ANKS1B: variants seen among roughly 807,000 people sequenced by gnomAD.
ANKS1B encodes the protein ankyrin repeat and sterile alpha motif domain-containing protein 1B.
A neutral mutation model predicts 148.3 loss-of-function variants in ANKS1B; 36 were observed. The observed-to-expected ratio is 0.24, with a 90% CI of 0.19 to 0.32. The LOEUF is 0.32. ANKS1B is among the 10% of genes least tolerant of loss of function. The probability of loss-of-function intolerance (pLI) is 1.00; values close to 1 mark genes in which losing one functional copy is unlikely to be tolerated. For missense variants in ANKS1B, 1,157 were observed against 1,542.6 expected, an observed-to-expected ratio of 0.75 and a Z score of 4.19; for synonymous variants, 542 against 560.8, an observed-to-expected ratio of 0.97 and a Z score of 0.47.
intron 12 of ANKS1B, among the ~76,000 whole-genome samples, chr12:99,324,125 AT>A (rs1566893726): frequency 6.6e-6 from 1 of 152,160 alleles, no homozygotes. Context: ...TGAGCTATTT[AT>A]TTTTGTGTGT....
At chr12:99,400,668 C>T (rs1420554594) in intron 11 of ANKS1B, among the ~76,000 whole-genome samples, 1 of 144,510 alleles carries the variant, frequency 6.9e-6, no homozygotes, top group Non-Finnish European at 1.5e-5. Context: ...TTCAACTCTA[C>T]CTTTCTTACT....
intron 8 of ANKS1B, among the ~76,000 whole-genome samples, chr12:99,750,655 A>G (rs1423308248): frequency 6.6e-6 from 1 of 152,022 alleles, no homozygotes; most frequent in Non-Finnish European, 1.5e-5. Context: ...AGTGGAAATG[A>G]TGTCTACTGT....
chr12:99,213,079 A>G lies in ANKS1B; in HGVS notation c.2419+31263T>C, dbSNP rs147784375. Among the ~76,000 whole-genome samples, 217 of 152,214 alleles carry G rather than the reference A, an allele frequency of 1.4e-3. 1 individual carries two copies. Among genetic ancestry groups the G allele is most frequent in the African/African-American group, 4.9e-3 (205 of 41,526 alleles). On this transcript the variant is annotated intron_variant, in intron 14 of 26. Transcript: ENST00000683438. ...TTCTTTGAATTGCTTCACAGTTTCT[A>G]TGGAAGTTTCTGCTATTTCTCTGTC...
chr12:99,674,355 A>G (rs2098552181), intron 8 of ANKS1B, among the ~76,000 whole-genome samples: 1 of 152,004 alleles, frequency 6.6e-6, no homozygotes, highest in Non-Finnish European at 1.5e-5. Flanking sequence ...AATACTTTCC[A>G]ATAAATGGTT....
At chr12:99,263,052 T>C (rs952415486) in intron 12 of ANKS1B, among the ~76,000 whole-genome samples, 10 of 152,054 alleles carry the variant, frequency 6.6e-5, no homozygotes, top group African/African-American at 2.2e-4. Flanking sequence ...TCCCACACAA[T>C]GTTCCCTCAC....
At chr12:99,889,459 G>A (rs1054650188) in intron 1 of ANKS1B, among the ~76,000 whole-genome samples, 5 of 152,008 alleles carry the variant, frequency 3.3e-5, no homozygotes, top group Admixed American at 6.6e-5. Flanking sequence ...CACCAACTTC[G>A]GGTATTTCTT....
chr12:99,877,404 C>G (rs1046300013), intron 1 of ANKS1B, among the ~76,000 whole-genome samples: 5 of 152,212 alleles, frequency 3.3e-5, no homozygotes, highest in Admixed American at 3.3e-4. Flanking sequence ...AAATCTGCCC[C>G]TGTACTCACC....
chr12:99,616,883 A>G (rs1334007536), intron 9 of ANKS1B, among the ~76,000 whole-genome samples: 1 of 152,204 alleles, frequency 6.6e-6, no homozygotes, highest in African/African-American at 2.4e-5. Context: ...AATTTTTGCA[A>G]TCTATCCATC....
At chr12:99,642,626 G>A (rs975841743) in intron 9 of ANKS1B, among the ~76,000 whole-genome samples, 6 of 152,006 alleles carry the variant, frequency 3.9e-5, no homozygotes, top group African/African-American at 7.2e-5. Context: ...GACAAGACAG[G>A]CCAACATGGT....
chr12:99,147,608 C>T (rs2073592754), intron 15 of ANKS1B, among the ~76,000 whole-genome samples: 1 of 152,086 alleles, frequency 6.6e-6, no homozygotes, highest in Non-Finnish European at 1.5e-5. Context: ...TATTCTATGC[C>T]AGGTCTGTGC....
At chr12:99,689,190 G>T (rs1317837524) in intron 8 of ANKS1B, among the ~76,000 whole-genome samples, 1 of 152,106 alleles carries the variant, frequency 6.6e-6, no homozygotes, top group Admixed American at 6.6e-5. Context: ...TCTACCACTA[G>T]ATTATTCTAT....
At position 98,745,486 on chromosome 12, in the gene ANKS1B, G is replaced by A. The variant is rs1343309898; in HGVS notation, c.*253C>T. On this transcript the variant is annotated 3_prime_UTR_variant, in exon 27 of 27. Transcript: ENST00000683438. ...AATACCTTGGGAGGTGGTGGGGAGG[G>A]GAGTCGGGAGCATCAGGGAAAACCC... The A allele has an allele frequency of 5.1e-6, 6 of 1,169,602 alleles. No individual in the cohort carries two copies. The highest frequency in any genetic ancestry group is 4.7e-5 in the Admixed American group (1 of 21,068). The allele number at this position is 1,169,602 out of a possible 1,614,324, so 72.5% of individuals were successfully genotyped here.
intron 2 of ANKS1B, among the ~76,000 whole-genome samples, chr12:99,818,222 T>A (rs1181897592): frequency 6.6e-6 from 1 of 151,804 alleles, no homozygotes; most frequent in East Asian, 1.9e-4. Context: ...TTTCTTTAAA[T>A]ATTATTTAGG....
At chr12:99,792,817 C>T (rs2065823211) in intron 4 of ANKS1B, among the ~76,000 whole-genome samples, 1 of 151,878 alleles carries the variant, frequency 6.6e-6, no homozygotes, top group Non-Finnish European at 1.5e-5. Flanking sequence ...ACCACTGTTA[C>T]TCAAAATAGA....
At chr12:99,930,622 G>A (rs2094589422) in intron 1 of ANKS1B, among the ~76,000 whole-genome samples, 1 of 152,130 alleles carries the variant, frequency 6.6e-6, no homozygotes, top group Non-Finnish European at 1.5e-5. Flanking sequence ...TCAGAGAAAT[G>A]CAAATCAAAA....
chr12:99,333,876 A>G (rs1412055629), intron 12 of ANKS1B, among the ~76,000 whole-genome samples: 1 of 76,488 alleles, frequency 1.3e-5, no homozygotes, highest in Non-Finnish European at 2.4e-5. Flanking sequence ...TTTTTTTTTT[A>G]ACAATGTGAG....
intron 17 of ANKS1B, chr12:99,048,962 T>C (rs376784642): frequency 6.6e-6 from 1 of 152,228 alleles, no homozygotes; most frequent in Non-Finnish European, 1.5e-5. Context: ...AGCTGTACTG[T>C]ATATAGGTAT....
intron 10 of ANKS1B, among the ~76,000 whole-genome samples, chr12:99,500,404 C>A (rs2096644141): frequency 6.6e-6 from 1 of 152,134 alleles, no homozygotes; most frequent in South Asian, 2.1e-4. Flanking sequence ...TTGCCTTAGC[C>A]AAGTTACTGG....
At chr12:99,579,690 C>CA (rs1184675716) in intron 9 of ANKS1B, among the ~76,000 whole-genome samples, 7 of 151,830 alleles carry the variant, frequency 4.6e-5, no homozygotes, top group African/African-American at 1.7e-4. Context: ...ATTAAAAAGG[C>CA]AAAAAATGAC....
Sources: gnomAD v4.1 joint callset for allele counts (sites outside exome capture counted in the v4.1 genomes callset) on GRCh38, gnomAD v4.1.1 for gene constraint, MANE v1.5 for transcripts, NCBI Gene and HGNC (gene_info 2026-07-23, HGNC 2026-07-21) for gene names.